Variants in VPS13B observed in about 807,000 individuals in gnomAD.
VPS13B encodes vacuolar protein sorting 13 homolog B, also known as intermembrane lipid transfer protein VPS13B.
In VPS13B, 285 loss-of-function variants were observed where a neutral mutation model predicts 426.4. The ratio of observed to expected loss-of-function variants is 0.67; its 90% CI spans 0.61 to 0.74. The LOEUF is 0.74. Ranked by LOEUF, VPS13B falls within the 30% of genes least tolerant of loss-of-function variation. The pLI, the probability that VPS13B is intolerant of heterozygous loss-of-function variation, is 0.00. For missense variants in VPS13B, 4,537 were observed against 4,782.6 expected (o/e 0.95, Z 1.51); for synonymous variants, 1,676 against 1,676.4 (o/e 1.00, Z 0.01).
intron 15 of VPS13B, among the ~76,000 whole-genome samples, chr8:99,167,946 T>G (rs1812106239): frequency 6.6e-6 from 1 of 152,196 alleles, no homozygotes. Context: ...TTTACACTGC[T>G]GGTTCTGCTT....
intron 31 of VPS13B, among the ~76,000 whole-genome samples, chr8:99,572,117 A>G (rs1825505596): frequency 6.6e-6 from 1 of 152,230 alleles, no homozygotes; most frequent in Middle Eastern, 3.2e-3. Context: ...CATATTTAAA[A>G]GGAATATTAA....
At chr8:99,469,520 A>C (rs1423742264) in intron 24 of VPS13B, among the ~76,000 whole-genome samples, 1 of 152,122 alleles carries the variant, frequency 6.6e-6, no homozygotes, top group Non-Finnish European at 1.5e-5. Context: ...GAATGACACT[A>C]AATATTTCAG....
chr8:99,341,564 C>T (rs545873554), intron 19 of VPS13B: 1 of 161,942 alleles, frequency 6.2e-6, no homozygotes, highest in South Asian at 1.6e-4. Flanking sequence ...TGCAGCACTT[C>T]CTTCTTCCTG....
At chr8:99,466,099 A>C (rs867382356) in intron 23 of VPS13B, among the ~76,000 whole-genome samples, 29 of 152,208 alleles carry the variant, frequency 1.9e-4, no homozygotes, top group Middle Eastern at 3.4e-3. Context: ...TCAGTGAAAA[A>C]ACAAGGGAAG....
At chr8:99,333,500 C>G (rs1374538784) in intron 19 of VPS13B, among the ~76,000 whole-genome samples, 1 of 151,746 alleles carries the variant, frequency 6.6e-6, no homozygotes, top group African/African-American at 2.4e-5. Flanking sequence ...CAGATTTCCC[C>G]TGCTTTACTG....
intron 39 of VPS13B, among the ~76,000 whole-genome samples, chr8:99,732,778 A>G (rs1218480583): frequency 6.6e-6 from 1 of 152,248 alleles, no homozygotes; most frequent in Non-Finnish European, 1.5e-5. Flanking sequence ...GATTTTCGAA[A>G]CAAAAAATAA....
At chr8:99,379,065 A>G (rs1214819353) in intron 19 of VPS13B, among the ~76,000 whole-genome samples, 2 of 152,184 alleles carry the variant, frequency 1.3e-5, no homozygotes, top group Non-Finnish European at 2.9e-5. Context: ...TGGCAGCATT[A>G]GATTCTCAAA....
In VPS13B at chr8:99,073,699, CTT is replaced by C. The variant is rs71273160; in HGVS notation, c.292-22594_292-22593del. ...CTCCTTTCCATTTGGATTTTCTTTC[CTT>C]TTTTTTTTTTTTTTTTTTGGTGTGG... On this transcript the variant is annotated intron_variant, in intron 3 of 61. Coordinates refer to ENST00000357162, the MANE Select transcript of VPS13B (RefSeq NM_152564.5). 7.3e-3 allele frequency among the ~76,000 whole-genome samples: 612 copies of C among 83,554 alleles called. 7 individuals carry two copies. Among genetic ancestry groups the C allele is most frequent in the African/African-American group, 0.024 (524 of 21,938 alleles). 54.8% of individuals were successfully genotyped at this position (83,554 alleles called of 152,430 possible).
At chr8:99,450,932 A>AT (rs1563737057) in intron 23 of VPS13B, among the ~76,000 whole-genome samples, 1 of 152,098 alleles carries the variant, frequency 6.6e-6, no homozygotes, top group Admixed American at 6.6e-5. Context: ...CAAACCTTTT[A>AT]TTTTTTATGG....
chr8:99,292,343 A>G (rs1819781219), intron 19 of VPS13B, among the ~76,000 whole-genome samples: 1 of 152,142 alleles, frequency 6.6e-6, no homozygotes, highest in Non-Finnish European at 1.5e-5. Flanking sequence ...ATAATAGCTG[A>G]ACAGCAGCCT....
At chr8:99,728,354 T>C (rs934737115) in intron 39 of VPS13B, among the ~76,000 whole-genome samples, 2 of 152,180 alleles carry the variant, frequency 1.3e-5, no homozygotes, top group Non-Finnish European at 2.9e-5. Context: ...TTCAAACAAA[T>C]GTCTATTCTC....
intron 19 of VPS13B, among the ~76,000 whole-genome samples, chr8:99,285,853 A>G (rs1332788117): frequency 1.3e-5 from 2 of 152,126 alleles, no homozygotes; most frequent in South Asian, 2.1e-4. Context: ...CAGCCTTTGC[A>G]TTCCTTTTAT....
chr8:99,416,927 TAA>T (rs1309519845), intron 21 of VPS13B, among the ~76,000 whole-genome samples: 1 of 152,222 alleles, frequency 6.6e-6, no homozygotes, highest in Non-Finnish European at 1.5e-5. Context: ...AACCAAATGA[TAA>T]TCATAGTATT....
At chr8:99,085,075 T>A (rs1208638048) in intron 3 of VPS13B, among the ~76,000 whole-genome samples, 1 of 152,158 alleles carries the variant, frequency 6.6e-6, no homozygotes, top group Non-Finnish European at 1.5e-5. Context: ...CCATTATTAT[T>A]GTATGGGAGT....
chr8:99,601,629 G>A (rs1319954099), intron 33 of VPS13B, among the ~76,000 whole-genome samples: 1 of 152,120 alleles, frequency 6.6e-6, no homozygotes, highest in Non-Finnish European at 1.5e-5. Context: ...GTGTAAAATT[G>A]TTTCTATTTC....
intron 19 of VPS13B, among the ~76,000 whole-genome samples, chr8:99,278,217 G>T (rs368015770): frequency 6.6e-6 from 1 of 152,136 alleles, no homozygotes; most frequent in Non-Finnish European, 1.5e-5. Context: ...AATTGAGGGG[G>T]ATGGGTGGTT....
intron 17 of VPS13B, chr8:99,233,876 G>A (rs1022872479): frequency 2.6e-5 from 20 of 779,948 alleles, no homozygotes; most frequent in South Asian, 4.0e-5. Context: ...TTCAAGAATC[G>A]TGTGGCATGC....
At chr8:99,086,166 T>A (rs1845776430) in intron 3 of VPS13B, among the ~76,000 whole-genome samples, 1 of 152,194 alleles carries the variant, frequency 6.6e-6, no homozygotes, top group African/African-American at 2.4e-5. Context: ...TTCTTTTTAT[T>A]CTTTTTTCTC....
intron 33 of VPS13B, among the ~76,000 whole-genome samples, chr8:99,587,754 T>C (rs549391499): frequency 6.6e-6 from 1 of 151,958 alleles, no homozygotes; most frequent in East Asian, 1.9e-4. Flanking sequence ...GCAAAAATTT[T>C]CTCCCATTCT....
Sources: allele counts gnomAD v4.1 joint callset (sites outside exome capture counted in the v4.1 genomes callset), GRCh38; gene constraint gnomAD v4.1.1; transcripts MANE v1.5; gene names NCBI Gene and HGNC (gene_info 2026-07-23, HGNC 2026-07-21).